Variants in ITGB5 observed in about 807,000 individuals in gnomAD.
ITGB5 encodes integrin beta-5.
Under a neutral mutation model 84.8 loss-of-function variants are expected in ITGB5, and 38 were observed. The ratio of observed to expected loss-of-function variants is 0.45; its 90% CI spans 0.35 to 0.59. The LOEUF is 0.59. Ranked by LOEUF, ITGB5 falls within the 20% of genes least tolerant of loss-of-function variation. The probability of loss-of-function intolerance (pLI) is 0.01; values close to 1 mark genes in which losing one functional copy is unlikely to be tolerated. For synonymous variants in ITGB5, 393 were observed against 414.4 expected (o/e 0.95, Z 0.63); for missense variants, 905 against 1,034.5 (o/e 0.87, Z 1.72).
chr3:124,787,036 T>C (rs2064091682), intron 10 of ITGB5, among the ~76,000 whole-genome samples: 1 of 152,210 alleles, frequency 6.6e-6, no homozygotes, highest in African/African-American at 2.4e-5. Context: ...ACTAAGATCT[T>C]ATCTTTGGCA....
intron 1 of ITGB5, among the ~76,000 whole-genome samples, chr3:124,873,982 G>C (rs768496338): frequency 6.6e-6 from 1 of 151,168 alleles, no homozygotes; most frequent in Admixed American, 6.6e-5. Flanking sequence ...TGTACTGAAA[G>C]AAGCCATGCA....
chr3:124,833,220 A>G (rs1431197051), intron 5 of ITGB5, among the ~76,000 whole-genome samples: 1 of 152,180 alleles, frequency 6.6e-6, no homozygotes, highest in Non-Finnish European at 1.5e-5. Flanking sequence ...AATCCCAGCA[A>G]TGTGCAGGAT....
At chr3:124,812,736 C>T (rs1689416418) in intron 8 of ITGB5, among the ~76,000 whole-genome samples, 1 of 152,178 alleles carries the variant, frequency 6.6e-6, no homozygotes, top group South Asian at 2.1e-4. Flanking sequence ...ATGTATAAAT[C>T]CAACTTGATT....
Position 124,841,489 on chromosome 3 carries a change from T to G in ITGB5, c.674A>C (p.Asp225Ala). 6.2e-7 allele frequency: 1 copy of G among 1,614,170 alleles called. No individual in the cohort carries two copies. Residue 225 changes from aspartate (D) to alanine (A), a missense_variant, in exon 5 of 15, where the codon GAC becomes GCC. Asp to Ala is a moderately radical substitution (Grantham distance 126, BLOSUM62 -2). Around this residue, in one of 3 missense-constraint regions of ITGB5, gnomAD observed 656 missense variants for 734.7 expected, o/e 0.89. Coordinates refer to ENST00000296181, the MANE Select transcript of ITGB5 (RefSeq NM_002213.5). Reference sequence around the variant, plus strand: ...TTCCTCATTGAAGCTGTCCACTCTGTCTGTGAGAGGCAGCAGATGGCGGAA... The same window carrying G: ...TTCCTCATTGAAGCTGTCCACTCTGGCTGTGAGAGGCAGCAGATGGCGGAA... ...FGFRHLLPLTDRVDSFNEEVR... is the reference protein window; with the variant it reads ...FGFRHLLPLTARVDSFNEEVR...
At chr3:124,790,433 G>A (rs1373526291) in intron 10 of ITGB5, among the ~76,000 whole-genome samples, 1 of 143,866 alleles carries the variant, frequency 7.0e-6, no homozygotes, top group Admixed American at 7.0e-5. Flanking sequence ...TATCAGAACC[G>A]CCTTTGACTA....
At chr3:124,768,944 G>C in intron 12 of ITGB5, 69 bp downstream of exon 12, 1 of 1,283,470 alleles carries the variant, frequency 7.8e-7, no homozygotes, top group Non-Finnish European at 1.1e-6. Context: ...CCTGACTCAA[G>C]GCTAAAACTA....
chr3:124,809,613 T>C (rs1418192423), intron 8 of ITGB5, among the ~76,000 whole-genome samples: 1 of 152,056 alleles, frequency 6.6e-6, no homozygotes, highest in African/African-American at 2.4e-5. Flanking sequence ...TGGCTCCTTA[T>C]CATCCTTCAA....
intron 1 of ITGB5, among the ~76,000 whole-genome samples, chr3:124,899,700 T>A (rs1425408863): frequency 6.6e-6 from 1 of 151,284 alleles, no homozygotes; most frequent in Non-Finnish European, 1.5e-5. Flanking sequence ...CAAAATATTT[T>A]AAAAATTAGC....
At chr3:124,899,969 A>G (rs1935185957) in intron 1 of ITGB5, among the ~76,000 whole-genome samples, 1 of 151,450 alleles carries the variant, frequency 6.6e-6, no homozygotes, top group African/African-American at 2.4e-5. Context: ...TTGAACAATG[A>G]CATAAGTAAA....
intron 10 of ITGB5, among the ~76,000 whole-genome samples, chr3:124,776,191 A>G (rs2063924286): frequency 6.6e-6 from 1 of 152,180 alleles, no homozygotes. Context: ...AGGCTGGGGC[A>G]ATGGGCAGCA....
intron 9 of ITGB5, among the ~76,000 whole-genome samples, chr3:124,801,274 G>A (rs553383447): frequency 2.6e-5 from 4 of 152,302 alleles, no homozygotes; most frequent in South Asian, 2.1e-4. Context: ...ACTGACTCCC[G>A]ATGGTTGGTG....
Position 124,821,239 on chromosome 3 carries a change from G to T in ITGB5, c.942+74C>A, listed in dbSNP as rs368576879. The T allele has an allele frequency of 1.0e-5, 15 of 1,495,870 alleles. No individual in the cohort carries two copies. The East Asian group carries it at 1.2e-4, about 12-fold the overall frequency. 92.7% of individuals were successfully genotyped at this position (1,495,870 alleles called of 1,614,324 possible). On this transcript the variant is annotated intron_variant, in intron 6 of 14. Coordinates refer to ENST00000296181, the MANE Select transcript of ITGB5 (RefSeq NM_002213.5). ...AGGGCCAGAGGAAGGTTTCAAGGCT[G>T]GGCAAGTACTAAGACCACGGGCAGG...
chr3:124,859,408 A>T lies in ITGB5; in HGVS notation c.195T>A (p.Asp65Glu). The change falls in exon 3 of 15, where the codon GAT (aspartate) becomes GAA (glutamate). Residue 65 changes from aspartate (D) to glutamate (E), a missense_variant. Transcript: ENST00000296181. Reference protein sequence around the residue: ...GSPRSITSRCDLRANLVKNGC... With the variant: ...GSPRSITSRCELRANLVKNGC... ...CATTTTTGACAAGGTTTGCCCTCAG[A>T]TCACACCGAGAGGTGATGGACCGTG... The T allele has an allele frequency of 6.2e-7, 1 of 1,614,124 alleles. No individual in the cohort carries two copies. The highest frequency in any genetic ancestry group is 1.1e-5 in the South Asian group (1 of 91,074).
intron 8 of ITGB5, among the ~76,000 whole-genome samples, chr3:124,816,949 T>C (rs2107550404): frequency 6.6e-6 from 1 of 152,346 alleles, no homozygotes; most frequent in East Asian, 1.9e-4. Flanking sequence ...CCAGGCATGA[T>C]GGCTCATGCC....
intron 4 of ITGB5, among the ~76,000 whole-genome samples, chr3:124,844,801 A>T (rs561504940): frequency 3.3e-5 from 5 of 152,264 alleles, no homozygotes; most frequent in Non-Finnish European, 7.3e-5. Context: ...GGAAAGCAGC[A>T]CGGAAGCTGA....
At chr3:124,892,084 A>C (rs1935013421), upstream of ITGB5, among the ~76,000 whole-genome samples, 1 of 152,162 alleles carries the variant, frequency 6.6e-6, no homozygotes, top group African/African-American at 2.4e-5. Context: ...GATTCCACAT[A>C]CTATGTATAA....
chr3:124,882,086 G>C (rs899645501), intron 1 of ITGB5, among the ~76,000 whole-genome samples: 1 of 152,168 alleles, frequency 6.6e-6, no homozygotes, highest in Admixed American at 6.5e-5. Context: ...AGGGAGTTGA[G>C]GACGGGATGC....
chr3:124,824,965 G>A (rs1465180851), intron 5 of ITGB5, among the ~76,000 whole-genome samples: 2 of 152,104 alleles, frequency 1.3e-5, no homozygotes, highest in Admixed American at 6.6e-5. Flanking sequence ...TTGGGAGGCC[G>A]AGGTGGGTGG....
chr3:124,814,591 C>G (rs1051149186), intron 8 of ITGB5, among the ~76,000 whole-genome samples: 25 of 152,102 alleles, frequency 1.6e-4, no homozygotes, highest in African/African-American at 5.8e-4. Context: ...ATCCTCCTGC[C>G]CCAGCCTCCC....
Sources: gnomAD v4.1 joint callset for allele counts (sites outside exome capture counted in the v4.1 genomes callset) on GRCh38, gnomAD v4.1.1 for gene constraint, gnomAD v4.1.1 regional missense constraint, MANE v1.5 for transcripts, NCBI Gene and HGNC (gene_info 2026-07-23, HGNC 2026-07-21) for gene names.